Variants in ASTN2 observed in about 807,000 individuals in gnomAD.
ASTN2 encodes astrotactin-2.
ASTN2 carries 54 observed loss-of-function variants against 139.8 expected under a neutral mutation model. That is an observed-to-expected ratio of 0.39 (90% CI 0.31 to 0.48). The LOEUF (loss-of-function observed/expected upper bound fraction) is 0.48, where lower values mean the gene tolerates loss of function less well. Ranked by LOEUF, ASTN2 falls within the 20% of genes least tolerant of loss-of-function variation. ASTN2 has a pLI of 0.95. For missense variants in ASTN2, 1,565 were observed against 1,725.1 expected, an observed-to-expected ratio of 0.91 and a Z score of 1.64; for synonymous variants, 756 against 719.5, an observed-to-expected ratio of 1.05 and a Z score of -0.81.
Position 116,511,593 on chromosome 9 carries a change from T to C in ASTN2, c.3356-24093A>G, listed in dbSNP as rs555048905. On this transcript the variant is annotated intron_variant, in intron 19 of 22. Coordinates refer to ENST00000313400, the MANE Select transcript of ASTN2 (RefSeq NM_001365068.1). Reference sequence around the variant, plus strand: ...AGAAGGAATGGTACGAGCTCTGCCTTGTACCTCTGGTAGAATTTGGCTGTG... The same window carrying C: ...AGAAGGAATGGTACGAGCTCTGCCTCGTACCTCTGGTAGAATTTGGCTGTG... Among the ~76,000 whole-genome samples, 8 of 152,330 alleles carry C rather than the reference T, an allele frequency of 5.3e-5. No homozygotes were observed. In the East Asian group the frequency reaches 1.3e-3, roughly 26 times the overall value.
chr9:116,632,156 G>C (rs13299345), intron 17 of ASTN2, among the ~76,000 whole-genome samples: 1,352 of 49,858 alleles, frequency 0.027, 14 homozygotes, highest in Middle Eastern at 0.034. Context: ...GAGAGAGAGA[G>C]ACAGAGAGAG....
At chr9:117,224,252 C>T (rs574989421) in intron 2 of ASTN2, among the ~76,000 whole-genome samples, 2 of 152,332 alleles carry the variant, frequency 1.3e-5, no homozygotes, top group East Asian at 3.9e-4. Context: ...TGAGTTTCTT[C>T]AGTTCTCTCA....
intron 3 of ASTN2, among the ~76,000 whole-genome samples, chr9:117,177,184 A>G (rs145314362): frequency 2.6e-5 from 4 of 152,332 alleles, no homozygotes; most frequent in African/African-American, 9.6e-5. Context: ...AATTAGAGTG[A>G]ACTACAATGA....
intron 7 of ASTN2, among the ~76,000 whole-genome samples, chr9:116,982,690 C>CAAGT (rs1836545085): frequency 6.6e-6 from 1 of 152,122 alleles, no homozygotes; most frequent in Admixed American, 6.5e-5. Flanking sequence ...CCCAGCCTCC[C>CAAGT]AAGTAGCTAG....
chr9:116,756,026 A>G (rs1829522730), intron 13 of ASTN2, among the ~76,000 whole-genome samples: 1 of 152,220 alleles, frequency 6.6e-6, no homozygotes, highest in Admixed American at 6.5e-5. Context: ...GAGTGAATAC[A>G]TGTGTGTTCT....
chr9:117,094,184 GA>G, intron 5 of ASTN2, among the ~76,000 whole-genome samples: 1 of 36,692 alleles, frequency 2.7e-5, no homozygotes, highest in Non-Finnish European at 5.3e-5. Context: ...GGGAGGGAGG[GA>G]GGAGAGGAGA....
intron 5 of ASTN2, among the ~76,000 whole-genome samples, chr9:117,050,592 G>A (rs1396047762): frequency 6.6e-6 from 1 of 152,100 alleles, no homozygotes; most frequent in African/African-American, 2.4e-5. Context: ...AGATCAAAGG[G>A]TTTAATTGAC....
rs1385523445 is a variant in ASTN2 at position 116,539,426 on chromosome 9, CAG to C, written c.3356-51928_3356-51927del. 3.3e-5 allele frequency among the ~76,000 whole-genome samples: 5 copies of C among 151,562 alleles called. No homozygotes were observed. In the East Asian group the frequency reaches 9.7e-4, roughly 29 times the overall value. ...GTAACATTACTAACTGTCTGGCTGG[CAG>C]AGAGGACAATAGTATATGGAAAAAA... On this transcript the variant is annotated intron_variant, in intron 19 of 22. Transcript: ENST00000313400.
At chr9:116,565,891 A>G (rs1169323567) in intron 19 of ASTN2, among the ~76,000 whole-genome samples, 1 of 152,138 alleles carries the variant, frequency 6.6e-6, no homozygotes, top group East Asian at 1.9e-4. Context: ...TAGAAGATCT[A>G]GAGAGAGACC....
chr9:117,147,188 T>C (rs1379254466), intron 3 of ASTN2, among the ~76,000 whole-genome samples: 1 of 152,160 alleles, frequency 6.6e-6, no homozygotes, highest in African/African-American at 2.4e-5. Flanking sequence ...ATGTCTACAC[T>C]GATACTCAAA....
chr9:117,081,326 T>A (rs1184750486), intron 5 of ASTN2, among the ~76,000 whole-genome samples: 7 of 152,162 alleles, frequency 4.6e-5, no homozygotes, highest in Non-Finnish European at 8.8e-5. Flanking sequence ...GGGAAGGACA[T>A]GTTCTACCCA....
At chr9:116,534,681 T>G (rs1305840173) in intron 19 of ASTN2, among the ~76,000 whole-genome samples, 1 of 152,238 alleles carries the variant, frequency 6.6e-6, no homozygotes, top group African/African-American at 2.4e-5. Context: ...TTGAGTGAGT[T>G]TCTTAATCCT....
intron 13 of ASTN2, among the ~76,000 whole-genome samples, chr9:116,782,096 A>G (rs1488881739): frequency 2.0e-5 from 3 of 152,152 alleles, no homozygotes; most frequent in Non-Finnish European, 4.4e-5. Context: ...TTTGGCAACT[A>G]CAGTTTGGGG....
At chr9:117,024,837 G>C (rs1588490754) in intron 6 of ASTN2, among the ~76,000 whole-genome samples, 1 of 152,132 alleles carries the variant, frequency 6.6e-6, no homozygotes, top group African/African-American at 2.4e-5. Flanking sequence ...TATGTTGTGG[G>C]AGGGACCTGG....
chr9:117,072,600 A>C (rs183985581), intron 5 of ASTN2, among the ~76,000 whole-genome samples: 216 of 152,342 alleles, frequency 1.4e-3, no homozygotes, highest in Non-Finnish European at 2.6e-3. Flanking sequence ...AACTCATCTA[A>C]GTCAGGGCCC....
Position 117,078,685 on chromosome 9 carries a change from T to G in ASTN2, c.1276+17359A>C, listed in dbSNP as rs576448844. Among the ~76,000 whole-genome samples, 5 of 152,304 alleles carry G rather than the reference T, an allele frequency of 3.3e-5. No homozygotes were observed. In the South Asian group the frequency reaches 1.0e-3, roughly 32 times the overall value. On this transcript the variant is annotated intron_variant, in intron 5 of 22. Coordinates refer to ENST00000313400, the MANE Select transcript of ASTN2 (RefSeq NM_001365068.1). Reference sequence around the variant, plus strand: ...TCTTAACCATCTATGCCTTGGTTCCTTAAGGCAATGATTCTCAACTATGGC... The same window carrying G: ...TCTTAACCATCTATGCCTTGGTTCCGTAAGGCAATGATTCTCAACTATGGC...
chr9:116,596,636 G>A (rs1368706096), intron 19 of ASTN2, among the ~76,000 whole-genome samples: 4 of 152,058 alleles, frequency 2.6e-5, no homozygotes, highest in Non-Finnish European at 5.9e-5. Context: ...TCTTTTAAAG[G>A]GCAGGCAAAT....
At chr9:117,164,549 C>T (rs780247419) in intron 3 of ASTN2, among the ~76,000 whole-genome samples, 2 of 152,016 alleles carry the variant, frequency 1.3e-5, no homozygotes, top group African/African-American at 2.4e-5. Context: ...CTCCTTAAAC[C>T]CCTGCCCCCC....
chr9:116,931,053 C>T (rs756346227), intron 10 of ASTN2, among the ~76,000 whole-genome samples: 3 of 152,108 alleles, frequency 2.0e-5, no homozygotes, highest in African/African-American at 4.8e-5. Flanking sequence ...TCCTACTACT[C>T]GCCCCAGCTT....
Sources: gnomAD v4.1 joint callset for allele counts (sites outside exome capture counted in the v4.1 genomes callset) on GRCh38, gnomAD v4.1.1 for gene constraint, MANE v1.5 for transcripts, NCBI Gene and HGNC (gene_info 2026-07-23, HGNC 2026-07-21) for gene names.